The following CTNND2 variants were observed in gnomAD, a reference collection of about 807,000 sequenced individuals.
The protein encoded by CTNND2 is catenin delta-2.
A neutral mutation model predicts 144.4 loss-of-function variants in CTNND2; 22 were observed. The observed-to-expected ratio is 0.15, with a 90% CI of 0.11 to 0.22. The LOEUF is 0.22. Among genes scored for constraint, CTNND2 ranks in the 10% least tolerant of loss-of-function variants. The pLI is 1.00. For synonymous variants in CTNND2, 751 were observed against 695.6 expected (o/e 1.08, Z -1.25); for missense variants, 1,353 against 1,618.8 (o/e 0.84, Z 2.82).
intron 9 of CTNND2, among the ~76,000 whole-genome samples, chr5:11,275,824 G>A (rs2149986031): frequency 6.6e-6 from 1 of 152,338 alleles, no homozygotes; most frequent in East Asian, 1.9e-4. Context: ...TGAGTAGAAT[G>A]TGTTTCTTCA....
chr5:11,867,002 A>T (rs1215648814), intron 1 of CTNND2, among the ~76,000 whole-genome samples: 2 of 152,216 alleles, frequency 1.3e-5, no homozygotes, highest in East Asian at 3.9e-4. Context: ...ATGTGGCATT[A>T]TATCTTCTCT....
intron 7 of CTNND2, among the ~76,000 whole-genome samples, chr5:11,370,562 G>A (rs1757378696): frequency 6.6e-6 from 1 of 152,050 alleles, no homozygotes; most frequent in African/African-American, 2.4e-5. Flanking sequence ...TAATAAAACA[G>A]GTCCATGCTG....
chr5:11,819,671 G>A (rs765173158), intron 1 of CTNND2, among the ~76,000 whole-genome samples: 26 of 152,096 alleles, frequency 1.7e-4, no homozygotes, highest in Non-Finnish European at 3.1e-4. Flanking sequence ...GCAGAGTCTA[G>A]GCCAAAGTAA....
intron 1 of CTNND2, among the ~76,000 whole-genome samples, chr5:11,834,068 G>C (rs1794047547): frequency 6.6e-6 from 1 of 152,150 alleles, no homozygotes. Flanking sequence ...GGGAGGGAAT[G>C]GGGTAGTTTG....
At chr5:11,304,694 C>T (rs1397027718) in intron 9 of CTNND2, among the ~76,000 whole-genome samples, 1 of 152,160 alleles carries the variant, frequency 6.6e-6, no homozygotes, top group Non-Finnish European at 1.5e-5. Flanking sequence ...CTTGGTTATA[C>T]CACCCTTTTC....
intron 9 of CTNND2, among the ~76,000 whole-genome samples, chr5:11,255,353 C>T (rs969223217): frequency 6.6e-6 from 1 of 152,204 alleles, no homozygotes; most frequent in Non-Finnish European, 1.5e-5. Flanking sequence ...TTCTGGAGAG[C>T]AGACTTTGCG....
At chr5:11,790,945 C>T (rs1385563698) in intron 1 of CTNND2, among the ~76,000 whole-genome samples, 5 of 152,054 alleles carry the variant, frequency 3.3e-5, no homozygotes, top group African/African-American at 1.2e-4. Context: ...GCAGACATAA[C>T]TGGTTCAAAT....
intron 2 of CTNND2, among the ~76,000 whole-genome samples, chr5:11,604,458 T>C (rs1260053143): frequency 6.6e-6 from 1 of 152,202 alleles, no homozygotes; most frequent in Non-Finnish European, 1.5e-5. Context: ...GTGACTCATG[T>C]CAAGCCCCGA....
intron 3 of CTNND2, among the ~76,000 whole-genome samples, chr5:11,511,619 A>G (rs971736995): frequency 1.3e-5 from 2 of 152,104 alleles, no homozygotes; most frequent in Non-Finnish European, 2.9e-5. Context: ...CCAAATAATT[A>G]TTATTTTTTT....
intron 9 of CTNND2, among the ~76,000 whole-genome samples, chr5:11,316,870 T>C (rs1751564571): frequency 6.6e-6 from 1 of 152,154 alleles, no homozygotes; most frequent in African/African-American, 2.4e-5. Flanking sequence ...TGTGCCACAT[T>C]TTCTTAATCC....
intron 2 of CTNND2, among the ~76,000 whole-genome samples, chr5:11,697,693 T>G (rs1414692532): frequency 1.3e-5 from 2 of 152,186 alleles, no homozygotes; most frequent in Non-Finnish European, 2.9e-5. Flanking sequence ...AGCTGTGGCT[T>G]GGGTTTTAAC....
At chr5:11,326,902 C>CT (rs1296872002) in intron 9 of CTNND2, among the ~76,000 whole-genome samples, 3 of 152,150 alleles carry the variant, frequency 2.0e-5, no homozygotes, top group Non-Finnish European at 2.9e-5. Context: ...ACAGTGAACT[C>CT]TAAGTTTCAA....
intron 15 of CTNND2, among the ~76,000 whole-genome samples, chr5:11,087,815 G>T (rs1305083097): frequency 6.6e-6 from 1 of 152,180 alleles, no homozygotes; most frequent in East Asian, 1.9e-4. Flanking sequence ...GGCAAAGACT[G>T]AATTTTAGCC....
chr5:11,586,470 C>A (rs975541467), intron 2 of CTNND2, among the ~76,000 whole-genome samples: 27 of 152,268 alleles, frequency 1.8e-4, no homozygotes, highest in African/African-American at 5.8e-4. Flanking sequence ...AAAATAGCCA[C>A]AAAACTCAAC....
intron 15 of CTNND2, among the ~76,000 whole-genome samples, chr5:11,086,729 G>C (rs758340): frequency 0.68 from 102,799 of 152,038 alleles, 36,243 homozygotes; most frequent in East Asian, 0.9. Flanking sequence ...TTCTAATGTG[G>C]ATTTCCAGGG....
At chr5:11,663,010 T>A (rs1373543823) in intron 2 of CTNND2, among the ~76,000 whole-genome samples, 3 of 152,202 alleles carry the variant, frequency 2.0e-5, no homozygotes, top group African/African-American at 7.2e-5. Context: ...AAGCCATGTG[T>A]TGTGAGAATG....
chr5:11,326,895 G>A (rs1439502280), intron 9 of CTNND2, among the ~76,000 whole-genome samples: 1 of 152,192 alleles, frequency 6.6e-6, no homozygotes, highest in Non-Finnish European at 1.5e-5. Flanking sequence ...ATTTCGAACA[G>A]TGAACTCTAA....
At chr5:11,380,523 G>C (rs1758369782) in intron 7 of CTNND2, among the ~76,000 whole-genome samples, 1 of 152,230 alleles carries the variant, frequency 6.6e-6, no homozygotes, top group South Asian at 2.1e-4. Context: ...CCCCAAGGCA[G>C]AGTTGGCTTT....
At chr5:11,662,830 C>A (rs993472653) in intron 2 of CTNND2, among the ~76,000 whole-genome samples, 1 of 152,088 alleles carries the variant, frequency 6.6e-6, no homozygotes, top group South Asian at 2.1e-4. Context: ...AAAACCCCGT[C>A]CATGGAAAAA....
Sources: gnomAD v4.1 joint callset for allele counts (sites outside exome capture counted in the v4.1 genomes callset) on GRCh38, gnomAD v4.1.1 for gene constraint, MANE v1.5 for transcripts, NCBI Gene and HGNC (gene_info 2026-07-23, HGNC 2026-07-21) for gene names.